Variants in FBXO32 observed in about 807,000 individuals in gnomAD.
The protein encoded by FBXO32 is F-box only protein 32.
A neutral mutation model predicts 48.3 loss-of-function variants in FBXO32; 15 were observed. That is an observed-to-expected ratio of 0.31 (90% CI 0.21 to 0.48). The LOEUF (loss-of-function observed/expected upper bound fraction) is 0.48, where lower values mean the gene tolerates loss of function less well. Among genes scored for constraint, FBXO32 ranks in the 20% least tolerant of loss-of-function variants. The pLI, the probability that FBXO32 is intolerant of heterozygous loss-of-function variation, is 0.99. For missense variants in FBXO32, 309 were observed against 432.7 expected (o/e 0.71, Z 2.54); for synonymous variants, 154 against 165.9 (o/e 0.93, Z 0.55).
chr8:123,534,000 C>T (rs1046747927), intron 2 of FBXO32, among the ~76,000 whole-genome samples: 7 of 149,704 alleles, frequency 4.7e-5, no homozygotes, highest in Non-Finnish European at 8.9e-5. Context: ...GGCTGAGGCA[C>T]GAGAATCACT....
Position 123,540,869 on chromosome 8 carries a change from G to A in FBXO32, c.116+30C>T. On this transcript the variant is annotated intron_variant, in intron 1 of 8. Transcript: ENST00000517956. The surrounding 1 kb of genome is among the most constrained non-coding windows in gnomAD (Gnocchi z 6.4). ...AGACCAGCCCGGGTCAGTTTCGCGG[G>A]GGCTGGAAGTTGGTAGCGGGTCCCC... The A allele has an allele frequency of 1.3e-6, 2 of 1,580,768 alleles. No individual in the cohort carries two copies. Among genetic ancestry groups the A allele is most frequent in the Non-Finnish European group, 1.7e-6 (2 of 1,152,932 alleles).
chr8:123,526,871 T>TC (rs1563925057), intron 4 of FBXO32: 1 of 152,166 alleles, frequency 6.6e-6, no homozygotes, highest in Admixed American at 6.5e-5. Context: ...TTTTTTTTTT[T>TC]CTGTAGAAAT....
In FBXO32 at chr8:123,500,174, A is replaced by C. The variant is rs1392850232; in HGVS notation, c.*3199T>G. 1 of 151,698 alleles carries C rather than the reference A, an allele frequency of 6.6e-6. No homozygotes were observed. Among genetic ancestry groups the C allele is most frequent in the Non-Finnish European group, 1.5e-5 (1 of 67,928 alleles). 9.4% of individuals were successfully genotyped at this position (151,698 alleles called of 1,614,324 possible). On this transcript the variant is annotated 3_prime_UTR_variant, in exon 9 of 9. Coordinates refer to ENST00000517956, the MANE Select transcript of FBXO32 (RefSeq NM_058229.4). Reference sequence around the variant, plus strand: ...TTCTGGATCTTGCTCTAGTGTGAGCACTCCTGAACTTCACATATTCTCCTT... The same window carrying C: ...TTCTGGATCTTGCTCTAGTGTGAGCCCTCCTGAACTTCACATATTCTCCTT...
chr8:123,512,570 T>C (rs552353615), intron 6 of FBXO32, among the ~76,000 whole-genome samples: 29 of 147,062 alleles, frequency 2.0e-4, no homozygotes, highest in African/African-American at 6.8e-4. Context: ...GTCCTCCTGC[T>C]CACTATTAGG....
chr8:123,515,153 A>G (rs1392393584), intron 4 of FBXO32, among the ~76,000 whole-genome samples: 1 of 152,252 alleles, frequency 6.6e-6, no homozygotes, highest in African/African-American at 2.4e-5. Context: ...CAATAATACA[A>G]GGTTGTTGTG....
Position 123,513,460 on chromosome 8 carries a change from C to T in FBXO32, c.467-78G>A. On this transcript the variant is annotated intron_variant, in intron 5 of 8. Transcript: ENST00000517956. This position sits in a 1 kb window ranked among gnomAD's most constrained non-coding sequence, Gnocchi z 4.3. ...ATTTTACACATGAGCTTGTCTCTGT[C>T]TGTATTCCACTCATGTTACCCAGGC... The T allele has an allele frequency of 8.2e-7, 1 of 1,215,230 alleles. No individual in the cohort carries two copies. The highest frequency in any genetic ancestry group is 1.4e-5 in the South Asian group (1 of 70,708). The allele number at this position is 1,215,230 out of a possible 1,614,324, so 75.3% of individuals were successfully genotyped here. A position where few individuals can be genotyped will look rare whatever the true frequency, so the allele number is the denominator to read the frequency against.
chr8:123,540,865 G>A lies in FBXO32; in HGVS notation c.116+34C>T, dbSNP rs1477103053. 2 of 1,568,084 alleles carry A rather than the reference G, an allele frequency of 1.3e-6. No individual in the cohort carries two copies. Among genetic ancestry groups the A allele is most frequent in the Non-Finnish European group, 1.8e-6 (2 of 1,142,692 alleles). ...CCCCAGACCAGCCCGGGTCAGTTTC[G>A]CGGGGGCTGGAAGTTGGTAGCGGGT... On this transcript the variant is annotated intron_variant, in intron 1 of 8. Transcript: ENST00000517956. This position sits in a 1 kb window ranked among gnomAD's most constrained non-coding sequence, Gnocchi z 6.4.
At chr8:123,517,055 A>G (rs923366166) in intron 4 of FBXO32, among the ~76,000 whole-genome samples, 1 of 152,194 alleles carries the variant, frequency 6.6e-6, no homozygotes, top group Non-Finnish European at 1.5e-5. Context: ...ATGATGGTCT[A>G]TTAATACCCT....
At position 123,513,069 on chromosome 8, in the gene FBXO32, G is replaced by T; in HGVS notation, c.651+129C>A. 2 of 1,060,458 alleles carry T rather than the reference G, an allele frequency of 1.9e-6. No homozygotes were observed. The highest frequency in any genetic ancestry group is 2.7e-6 in the Non-Finnish European group (2 of 738,280). 65.7% of individuals were successfully genotyped at this position (1,060,458 alleles called of 1,614,324 possible). ...GTCCCCCAGCCCACCCTCAGCACCA[G>T]AACAAAGCAGCAGATCAGAAAAGAC... On this transcript the variant is annotated intron_variant, in intron 6 of 8. Transcript: ENST00000517956. The surrounding 1 kb of genome is among the most constrained non-coding windows in gnomAD (Gnocchi z 4.3).
chr8:123,536,104 G>T (rs2130561570), intron 1 of FBXO32, among the ~76,000 whole-genome samples: 1 of 152,242 alleles, frequency 6.6e-6, no homozygotes, highest in Non-Finnish European at 1.5e-5. Flanking sequence ...GCTTACATGT[G>T]ACATCTCCAA....
Position 123,506,674 on chromosome 8 carries a change from A to C in FBXO32, c.652-100T>G. The C allele has an allele frequency of 2.9e-6, 3 of 1,027,450 alleles. No individual in the cohort carries two copies. The highest frequency in any genetic ancestry group is 4.3e-6 in the Non-Finnish European group (3 of 697,180). The allele number at this position is 1,027,450 out of a possible 1,614,324, so 63.6% of individuals were successfully genotyped here. ...CAGCTGTGCCCGTCCTCCACCCTCA[A>C]GGCAGTTTATTGATAAGAGGTCGAA... On this transcript the variant is annotated intron_variant, in intron 6 of 8. Transcript: ENST00000517956. The surrounding 1 kb of genome is among the most constrained non-coding windows in gnomAD (Gnocchi z 4.0).
chr8:123,513,149 C>A lies in FBXO32; in HGVS notation c.651+49G>T. 6.3e-7 allele frequency: 1 copy of A among 1,588,432 alleles called. No homozygotes were observed. The highest frequency in any genetic ancestry group is 8.6e-7 in the Non-Finnish European group (1 of 1,157,768). On this transcript the variant is annotated intron_variant, in intron 6 of 8. Transcript: ENST00000517956. This position sits in a 1 kb window ranked among gnomAD's most constrained non-coding sequence, Gnocchi z 4.3. ...AAGTCTTGGCGAGTCTGTCCAGTAT[C>A]CCTGTGGAGGGACCCACTGCCGGGA...
rs184916947 is a variant in FBXO32 at position 123,525,955 on chromosome 8, G to C, written c.372+5943C>G. Among the ~76,000 whole-genome samples, 1 of 151,526 alleles carries C rather than the reference G, an allele frequency of 6.6e-6. No individual in the cohort carries two copies. The highest frequency in any genetic ancestry group is 1.5e-5 in the Non-Finnish European group (1 of 67,966). On this transcript the variant is annotated intron_variant, in intron 4 of 8. Coordinates refer to ENST00000517956, the MANE Select transcript of FBXO32 (RefSeq NM_058229.4). This position sits in a 1 kb window ranked among gnomAD's most constrained non-coding sequence, Gnocchi z 4.3. The stretch of plus-strand genomic sequence containing the variant: ...TTTTTTTCCAGTGGCTTCCTCCTGC[G>C]TACTAGATAATATAGCCTCACACTC...
chr8:123,519,731 T>C (rs952601313), intron 4 of FBXO32, among the ~76,000 whole-genome samples: 4 of 152,110 alleles, frequency 2.6e-5, no homozygotes, highest in Admixed American at 2.6e-4. Flanking sequence ...GGCCCAGAGC[T>C]ACTACTAGGT....
intron 4 of FBXO32, among the ~76,000 whole-genome samples, chr8:123,522,956 T>A (rs1274459119): frequency 6.6e-6 from 1 of 152,210 alleles, no homozygotes; most frequent in Non-Finnish European, 1.5e-5. Flanking sequence ...CTCAAGTGGC[T>A]ATGGCAACAC....
At chr8:123,530,807 C>T (rs1005162913) in intron 4 of FBXO32, among the ~76,000 whole-genome samples, 1 of 150,180 alleles carries the variant, frequency 6.7e-6, no homozygotes, top group Non-Finnish European at 1.5e-5. Context: ...TTAGTAGAGA[C>T]GGGGTTTCAC....
rs148362296 is a variant in FBXO32 at position 123,539,257 on chromosome 8, C to T, written c.116+1642G>A. ...CAGCTCTAACATGACTCTTCAGACC[C>T]TTTCGGCACTTTTCTAGAAAGAACC... On this transcript the variant is annotated intron_variant, in intron 1 of 8. Transcript: ENST00000517956. Among the ~76,000 whole-genome samples, 664 of 152,286 alleles carry T rather than the reference C, an allele frequency of 4.4e-3. 6 individuals carry two copies. The highest frequency in any genetic ancestry group is 0.015 in the African/African-American group (620 of 41,568).
intron 4 of FBXO32, among the ~76,000 whole-genome samples, chr8:123,515,617 G>A (rs985825564): frequency 6.6e-6 from 1 of 152,130 alleles, no homozygotes; most frequent in South Asian, 2.1e-4. Context: ...AATAAATGAA[G>A]ATAATAACTG....
Position 123,540,815 on chromosome 8 carries a change from G to T in FBXO32, c.116+84C>A. On this transcript the variant is annotated intron_variant, in intron 1 of 8. Transcript: ENST00000517956. This position sits in a 1 kb window ranked among gnomAD's most constrained non-coding sequence, Gnocchi z 6.4. ...TCCTCAGCCCGCTCCAGCCCTGCCT[G>T]CCCCTCATTCGCCGTCCCTGCGCCC... is the stretch of plus-strand genomic sequence containing the variant. The T allele has an allele frequency of 4.3e-6, 5 of 1,160,980 alleles. No individual in the cohort carries two copies. Among genetic ancestry groups the T allele is most frequent in the Middle Eastern group, 2.1e-4 (1 of 4,694 alleles). 71.9% of individuals were successfully genotyped at this position (1,160,980 alleles called of 1,614,324 possible). A position where few individuals can be genotyped will look rare whatever the true frequency, so the allele number is the denominator to read the frequency against.
Sources: allele counts gnomAD v4.1 joint callset (sites outside exome capture counted in the v4.1 genomes callset), GRCh38; gene constraint gnomAD v4.1.1; non-coding constraint Gnocchi (gnomAD v3.1); transcripts MANE v1.5; gene names NCBI Gene and HGNC (gene_info 2026-07-23, HGNC 2026-07-21).